The following MLH3 variants were observed in gnomAD, a reference collection of about 807,000 sequenced individuals.
MLH3 encodes the protein mutL homolog 3.
MLH3 carries 82 observed loss-of-function variants against 122.2 expected under a neutral mutation model. The observed-to-expected ratio is 0.67, with a 90% CI of 0.56 to 0.81. The LOEUF is 0.81. Among genes scored for constraint, MLH3 ranks in the 30% least tolerant of loss-of-function variants. MLH3 has a pLI of 0.00. For missense variants in MLH3, 1,539 were observed against 1,714.5 expected, an observed-to-expected ratio of 0.90 and a Z score of 1.81; for synonymous variants, 524 against 599.5, an observed-to-expected ratio of 0.87 and a Z score of 1.84.
chr14:75,015,205 AT>A lies in MLH3; in HGVS notation c.*1876del. On this transcript the variant is annotated 3_prime_UTR_variant, in exon 13 of 13. Transcript: ENST00000355774. ...AGGCGATAAAGGTAATCTATTAGAT[AT>A]TTTTCCCTAATAGGTTGTTTTTATG... 5.7e-6 allele frequency: 1 copy of A among 176,590 alleles called. No homozygotes were observed. Among genetic ancestry groups the A allele is most frequent in the East Asian group, 9.5e-5 (1 of 10,482 alleles). 10.9% of individuals were successfully genotyped at this position (176,590 alleles called of 1,614,324 possible).
intron 9 of MLH3, among the ~76,000 whole-genome samples, chr14:75,025,338 A>G (rs1890559978): frequency 6.6e-6 from 1 of 152,206 alleles, no homozygotes; most frequent in Non-Finnish European, 1.5e-5. Context: ...ATGATTCCAC[A>G]AGACAACTAA....
chr14:75,026,544 C>T lies in MLH3; in HGVS notation c.3988-3526G>A, dbSNP rs1420966567. 2.0e-5 allele frequency among the ~76,000 whole-genome samples: 3 copies of T among 151,978 alleles called. 1 individual carries two copies. The highest frequency in any genetic ancestry group is 2.0e-4 in the Admixed American group (3 of 15,254). On this transcript the variant is annotated intron_variant, in intron 9 of 12. Transcript: ENST00000355774. The stretch of plus-strand genomic sequence containing the variant: ...GCATGCAGAGTAGAAAGATAAGGCC[C>T]AGTAGATATCTGACAAAATTTCCAA...
In MLH3 at chr14:75,017,003, G is replaced by T; in HGVS notation, c.*79C>A. The T allele has an allele frequency of 5.8e-6, 9 of 1,562,658 alleles. No individual in the cohort carries two copies. Among genetic ancestry groups the T allele is most frequent in the African/African-American group, 1.4e-5 (1 of 73,886 alleles). ...GGGCTGATTCAGTCAGGGCCGTGCT[G>T]GTACCTGCTGCTGCTGCTCTCTGCT... On this transcript the variant is annotated 3_prime_UTR_variant, in exon 13 of 13. Coordinates refer to ENST00000355774, the MANE Select transcript of MLH3 (RefSeq NM_001040108.2).
chr14:75,044,931 C>T (rs971257219), intron 2 of MLH3, among the ~76,000 whole-genome samples: 5 of 152,196 alleles, frequency 3.3e-5, no homozygotes, highest in African/African-American at 1.2e-4. Context: ...TTATCACCTC[C>T]CAACATCTGG....
At chr14:75,030,211 C>T (rs1890950927) in intron 9 of MLH3, among the ~76,000 whole-genome samples, 1 of 152,174 alleles carries the variant, frequency 6.6e-6, no homozygotes, top group Non-Finnish European at 1.5e-5. Context: ...TCATTGACTT[C>T]ACCTCCCCAG....
intron 1 of MLH3, chr14:75,050,890 T>TGAGAG (rs1892609632): frequency 6.6e-6 from 1 of 152,174 alleles, no homozygotes; most frequent in African/African-American, 2.4e-5. Flanking sequence ...CCCCTTCTTC[T>TGAGAG]CCATCAGTGA....
chr14:75,033,043 T>C (rs544748994), intron 7 of MLH3, among the ~76,000 whole-genome samples: 16 of 151,970 alleles, frequency 1.1e-4, no homozygotes, highest in Admixed American at 1.0e-3. Context: ...CAAAACAGCA[T>C]ACTGGGCCTT....
intron 2 of MLH3, among the ~76,000 whole-genome samples, chr14:75,045,262 G>A (rs1246922265): frequency 3.3e-5 from 5 of 152,096 alleles, no homozygotes; most frequent in East Asian, 1.9e-4. Context: ...CCTGGGAGGC[G>A]GAGGTTATAG....
At chr14:75,038,653 C>T (rs923273036) in intron 5 of MLH3, among the ~76,000 whole-genome samples, 24 of 152,060 alleles carry the variant, frequency 1.6e-4, no homozygotes, top group African/African-American at 5.1e-4. Context: ...CAGACTCCCA[C>T]GTCTCAGAGT....
rs1391040981 is a variant in MLH3 at position 75,049,671 on chromosome 14, G to A, written c.-16C>T. 4 of 1,611,544 alleles carry A rather than the reference G, an allele frequency of 2.5e-6. No individual in the cohort carries two copies. Among genetic ancestry groups the A allele is most frequent in the African/African-American group, 1.3e-5 (1 of 75,018 alleles). On this transcript the variant is annotated 5_prime_UTR_variant, in exon 2 of 13. Coordinates refer to ENST00000355774, the MANE Select transcript of MLH3 (RefSeq NM_001040108.2). ...ACTTGATCATGGTAGGTAGAAAGAT[G>A]GTGAGAATGCCAGGCACTGGTTTCC...
chr14:75,035,062 C>CAAAAAAAAAAAAAAAAAAAAAAA (rs36096670), intron 6 of MLH3, among the ~76,000 whole-genome samples: 1 of 40,252 alleles, frequency 2.5e-5, no homozygotes, highest in African/African-American at 1.0e-4. Flanking sequence ...GACTCCATCT[C>CAAAAAAAAAAAAAAAAAAAAAAA]AAAAAAAAAA....
At chr14:75,042,818 C>G (rs938873087) in intron 2 of MLH3, among the ~76,000 whole-genome samples, 1 of 151,864 alleles carries the variant, frequency 6.6e-6, no homozygotes, top group Non-Finnish European at 1.5e-5. Context: ...CTCTGTCGCC[C>G]GGGCTGGAGT....
At position 75,047,067 on chromosome 14, in the gene MLH3, A is replaced by G; in HGVS notation, c.2589T>C (p.Pro863=). 1 of 1,614,152 alleles carries G rather than the reference A, an allele frequency of 6.2e-7. No homozygotes were observed. The highest frequency in any genetic ancestry group is 8.5e-7 in the Non-Finnish European group (1 of 1,180,006). The part of the protein sequence containing the change: ...LKELSLFNRK[P]LDLEKSSESL... ...ATTCAGATGACTTCTCAAGGTCCAA[A>G]GGTTTTCTATTAAAGAGAGATAACT... The change falls in exon 2 of 13, where the codon CCT becomes CCC. Residue 863 remains proline (P), a synonymous_variant. Coordinates refer to ENST00000355774, the MANE Select transcript of MLH3 (RefSeq NM_001040108.2).
chr14:75,029,820 C>T (rs141844123), intron 9 of MLH3, among the ~76,000 whole-genome samples: 5 of 152,264 alleles, frequency 3.3e-5, no homozygotes, highest in East Asian at 1.9e-4. Flanking sequence ...CAGGTGTGAG[C>T]CACCTTGCCC....
rs545388013 is a variant in MLH3 at position 75,038,779 on chromosome 14, T to G, written c.3571-367A>C. Among the ~76,000 whole-genome samples the G allele has an allele frequency of 4.6e-5, 7 of 152,268 alleles. No homozygotes were observed. In the South Asian group the frequency reaches 1.0e-3, roughly 23 times the overall value. On this transcript the variant is annotated intron_variant, in intron 5 of 12. Coordinates refer to ENST00000355774, the MANE Select transcript of MLH3 (RefSeq NM_001040108.2). ...ACAGGCTGAAATAAATTTTTAAAAT[T>G]TATATGAAAGCAAGGAAAACGATTA... is the stretch of plus-strand genomic sequence containing the variant.
rs1342784369 is a variant in MLH3 at position 75,026,511 on chromosome 14, T to C, written c.3988-3493A>G. ...AAGCAATGGGAAATATGGAAGAGAG[T>C]TGAAGAGGCATGCAGAGTAGAAAGA... On this transcript the variant is annotated intron_variant, in intron 9 of 12. Coordinates refer to ENST00000355774, the MANE Select transcript of MLH3 (RefSeq NM_001040108.2). Among the ~76,000 whole-genome samples, 4 of 151,606 alleles carry C rather than the reference T, an allele frequency of 2.6e-5. No homozygotes were observed. In the East Asian group the frequency reaches 5.8e-4, roughly 22 times the overall value.
Position 75,016,665 on chromosome 14 carries a change from G to A in MLH3, c.*417C>T. 1 of 295,080 alleles carries A rather than the reference G, an allele frequency of 3.4e-6. No homozygotes were observed. The highest frequency in any genetic ancestry group is 6.5e-6 in the Non-Finnish European group (1 of 152,776). The allele number at this position is 295,080 out of a possible 1,614,324, so 18.3% of individuals were successfully genotyped here. A position where few individuals can be genotyped will look rare whatever the true frequency, so the allele number is the denominator to read the frequency against. ...GAAACCCTGGGGGCAGCCTGGGAAG[G>A]CAGACTACCCCTTGGACTTGAGCAT... On this transcript the variant is annotated 3_prime_UTR_variant, in exon 13 of 13. Coordinates refer to ENST00000355774, the MANE Select transcript of MLH3 (RefSeq NM_001040108.2).
intron 9 of MLH3, 66 bp from the exon 10 acceptor site, chr14:75,023,084 C>A: frequency 6.5e-7 from 1 of 1,545,394 alleles, no homozygotes. Context: ...TGATAGTTTA[C>A]AAAATATCTC....
chr14:75,047,214 T>C lies in MLH3; in HGVS notation c.2442A>G (p.Ser814=). 1 of 1,614,110 alleles carries C rather than the reference T, an allele frequency of 6.2e-7. No homozygotes were observed. Among genetic ancestry groups the C allele is most frequent in the South Asian group, 1.1e-5 (1 of 91,078 alleles). The change falls in exon 2 of 13, where the codon TCA becomes TCG. Residue 814 remains serine, a synonymous_variant. Coordinates refer to ENST00000355774, the MANE Select transcript of MLH3 (RefSeq NM_001040108.2). ...CKITTMEHSD[S]DSSCQPASHI... is the part of the protein sequence containing the mutation. The stretch of plus-strand genomic sequence containing the variant: ...GGCTTGCTGGTTGACAACTACTATC[T>C]GAATCACTATGCTCCATAGTAGTGA...
Sources: gnomAD v4.1 joint callset for allele counts (sites outside exome capture counted in the v4.1 genomes callset) on GRCh38, gnomAD v4.1.1 for gene constraint, MANE v1.5 for transcripts, NCBI Gene and HGNC (gene_info 2026-07-23, HGNC 2026-07-21) for gene names.